The following NPR1 variants were observed in gnomAD, a reference collection of about 807,000 sequenced individuals.
NPR1 encodes the protein atrial natriuretic peptide receptor 1.
In NPR1, 57 loss-of-function variants were observed where a neutral mutation model predicts 116.9. That is an observed-to-expected ratio of 0.49 (90% CI 0.39 to 0.61). NPR1 has a LOEUF of 0.61. Among genes scored for constraint, NPR1 ranks in the 20% least tolerant of loss-of-function variants. NPR1 has a pLI of 0.00. For synonymous variants in NPR1, 555 were observed against 601.6 expected (o/e 0.92, Z 1.13); for missense variants, 1,096 against 1,409.8 (o/e 0.78, Z 3.56).
At chr1:153,690,942 C>CAAAAAAAAAAAAAAAA (rs57820357) in intron 20 of NPR1, among the ~76,000 whole-genome samples, 2 of 51,290 alleles carry the variant, frequency 3.9e-5, no homozygotes, top group African/African-American at 1.4e-4. Flanking sequence ...AACTCTGTCT[C>CAAAAAAAAAAAAAAAA]AAAAAAAAAA....
chr1:153,684,386 C>CTTTTTTTTTTTTTT (rs58272090), intron 7 of NPR1, among the ~76,000 whole-genome samples: 50 of 89,012 alleles, frequency 5.6e-4, no homozygotes, highest in Non-Finnish European at 7.5e-4. Flanking sequence ...TTCTTTCTTT[C>CTTTTTTTTTTTTTT]TTTTTTTTTT....
intron 5 of NPR1, 40 bp from the exon 6 acceptor site, chr1:153,683,336 C>T (rs1221330192): frequency 3.8e-6 from 6 of 1,599,054 alleles, no homozygotes; most frequent in Non-Finnish European, 4.3e-6. Context: ...ATGCCTTCCC[C>T]GCAGGCCCTG....
chr1:153,680,189 C>CCTCTCCCTCCT (rs1259978785), intron 1 of NPR1, among the ~76,000 whole-genome samples: 1 of 149,494 alleles, frequency 6.7e-6, no homozygotes, highest in Non-Finnish European at 1.5e-5. Flanking sequence ...TCTCCCCCTC[C>CCTCTCCCTCCT]CTCTCCCTCC....
At chr1:153,684,386 C>CTTTTTTTTTTTTTTTTTTTTTTTTT in intron 7 of NPR1, among the ~76,000 whole-genome samples, 1 of 88,978 alleles carries the variant, frequency 1.1e-5, no homozygotes, top group Non-Finnish European at 2.1e-5. Context: ...TTCTTTCTTT[C>CTTTTTTTTTTTTTTTTTTTTTTTTT]TTTTTTTTTT....
intron 20 of NPR1, among the ~76,000 whole-genome samples, chr1:153,691,633 G>C (rs1368898029): frequency 6.6e-6 from 1 of 152,026 alleles, no homozygotes; most frequent in East Asian, 1.9e-4. Flanking sequence ...GGCGCTGGGG[G>C]TGCTTGTAAT....
At chr1:153,686,847 ACCTTTCTGG>A in intron 11 of NPR1, 97 bp downstream of exon 11, 8 of 1,311,536 alleles carry the variant, frequency 6.1e-6, no homozygotes, top group Non-Finnish European at 7.5e-6. Context: ...CCTCTTTCTG[ACCTTTCTGG>A]CCCCATCTGT....
intron 15 of NPR1, 23 bp from the exon 16 acceptor site, chr1:153,688,930 C>G: frequency 6.2e-7 from 1 of 1,613,704 alleles, no homozygotes; most frequent in Non-Finnish European, 8.5e-7. Context: ...CTTACCACCC[C>G]CACCGCCACC....
Position 153,688,065 on chromosome 1 carries a change from G to A in NPR1, c.2261G>A (p.Arg754Gln), listed in dbSNP as rs760631172. Residue 754 changes from arginine to glutamine, a missense_variant, in exon 15 of 22, where the codon CGG becomes CAG. Physicochemically the swap from Arg to Gln is conservative, Grantham distance 43 (BLOSUM62 1). Transcript: ENST00000368680. ...CCCCCCAATACAGAGATCATCGAGC[G>A]GGTGACTCGGGGTGAGCAGCCCCCC... ...LDLSPKEIIE[R>Q]VTRGEQPPFR... 6.2e-6 allele frequency: 10 copies of A among 1,608,836 alleles called. No individual in the cohort carries two copies. The highest frequency in any genetic ancestry group is 5.0e-5 in the Admixed American group (3 of 59,528).
chr1:153,687,844 C>T lies in NPR1; in HGVS notation c.2248+55C>T. The T allele has an allele frequency of 2.0e-6, 3 of 1,524,012 alleles. No homozygotes were observed. In the South Asian group the frequency reaches 3.8e-5, roughly 19 times the overall value. The allele number at this position is 1,524,012 out of a possible 1,614,324, so 94.4% of individuals were successfully genotyped here. Reference sequence around the variant, plus strand: ...GCCACAGTCTCAACGAACCCCAGCCCCAGGGAGAGGGTCCCCTGGCAGCAC... The same window carrying T: ...GCCACAGTCTCAACGAACCCCAGCCTCAGGGAGAGGGTCCCCTGGCAGCAC... On this transcript the variant is annotated intron_variant, in intron 14 of 21. Coordinates refer to ENST00000368680, the MANE Select transcript of NPR1 (RefSeq NM_000906.4).
rs959470262 is a variant in NPR1 at position 153,688,090 on chromosome 1, C to A, written c.2286C>A (p.Pro762=). 1.2e-6 allele frequency: 2 copies of A among 1,613,038 alleles called. No homozygotes were observed. The highest frequency in any genetic ancestry group is 1.7e-6 in the Non-Finnish European group (2 of 1,179,446). Residue 762 remains proline (P), a synonymous_variant, in exon 15 of 22, where the codon CCC becomes CCA. Coordinates refer to ENST00000368680, the MANE Select transcript of NPR1 (RefSeq NM_000906.4). The part of the protein sequence containing the change: ...IERVTRGEQP[P]FRPSLALQSH... ...GGGTGACTCGGGGTGAGCAGCCCCCCTTCCGGCCCTCCCTGGCCCTGCAGA... is the reference window on the plus strand; with the variant it reads ...GGGTGACTCGGGGTGAGCAGCCCCCATTCCGGCCCTCCCTGGCCCTGCAGA...
intron 14 of NPR1, 108 bp from the exon 15 acceptor site, chr1:153,687,945 C>T (rs1669977848): frequency 1.8e-6 from 2 of 1,091,762 alleles, no homozygotes; most frequent in South Asian, 3.0e-5. Flanking sequence ...GTCCCCCGCC[C>T]CCATGCCTTG....
chr1:153,688,863 G>T, intron 15 of NPR1, 90 bp from the exon 16 acceptor site: 1 of 1,541,624 alleles, frequency 6.5e-7, no homozygotes, highest in Non-Finnish European at 8.9e-7. Flanking sequence ...CCTCACTGCA[G>T]TCTGGAGGGG....
intron 14 of NPR1, 76 bp from the exon 15 acceptor site, chr1:153,687,977 C>A: frequency 8.5e-7 from 1 of 1,180,438 alleles, no homozygotes; most frequent in Non-Finnish European, 1.2e-6. Flanking sequence ...CCCCTGCCAT[C>A]TCAGCTGGTT....
In NPR1 at chr1:153,679,441, T is replaced by C. The variant is rs1371966861; in HGVS notation, c.333T>C (p.Ala111=). The C allele has an allele frequency of 2.6e-6, 4 of 1,543,116 alleles. No homozygotes were observed. Among genetic ancestry groups the C allele is most frequent in the East Asian group, 2.4e-5 (1 of 41,258 alleles). ...ACCTCAAGTGGGAGCACAACCCCGC[T>C]GTGTTCCTGGGCCCCGGCTGCGTGT... ...AVDLKWEHNP[A]VFLGPGCVYA... Residue 111 remains alanine, a synonymous_variant, in exon 1 of 22, where the codon GCT becomes GCC. Transcript: ENST00000368680. The surrounding 1 kb of genome is among the most constrained non-coding windows in gnomAD (Gnocchi z 4.2).
chr1:153,691,831 G>T (rs1458165414), intron 20 of NPR1, among the ~76,000 whole-genome samples: 1 of 151,780 alleles, frequency 6.6e-6, no homozygotes, highest in Admixed American at 6.6e-5. Context: ...CCCAGGAGGT[G>T]GATGTTGCAG....
chr1:153,689,151 C>A lies in NPR1; in HGVS notation c.2565-37C>A. 6.2e-7 allele frequency: 1 copy of A among 1,614,178 alleles called. No homozygotes were observed. The highest frequency in any genetic ancestry group is 8.5e-7 in the Non-Finnish European group (1 of 1,180,010). On this transcript the variant is annotated intron_variant, in intron 16 of 21. Transcript: ENST00000368680. This position sits in a 1 kb window ranked among gnomAD's most constrained non-coding sequence, Gnocchi z 5.1. Reference sequence around the variant, plus strand: ...CCCAACACAAAGCCCCTGTCCCGACCCCCAACTCTGATCCTGCACCTGCCC... The same window carrying A: ...CCCAACACAAAGCCCCTGTCCCGACACCCAACTCTGATCCTGCACCTGCCC...
Position 153,685,078 on chromosome 1 carries a change from G to A in NPR1, c.1599G>A (p.Leu533=), listed in dbSNP as rs776869156. 2.5e-6 allele frequency: 4 copies of A among 1,613,954 alleles called. No individual in the cohort carries two copies. The highest frequency in any genetic ancestry group is 2.2e-5 in the South Asian group (2 of 91,064). ...GGAGTGCAGGCAGCCGGCTGACCCT[G>A]AGCGGGGTAAGAACGCTGGTGTTTG... ...HLRSAGSRLT[L]SGRGSNYGSL... Residue 533 remains leucine (L), a synonymous_variant, in exon 8 of 22, where the codon CTG becomes CTA. Transcript: ENST00000368680.
chr1:153,690,263 T>C, intron 19 of NPR1, 21 bp from the exon 20 acceptor site: 1 of 1,544,526 alleles, frequency 6.5e-7, no homozygotes, highest in Admixed American at 2.0e-5. Flanking sequence ...TGGGCTCTGC[T>C]CCTTCCCTTG....
At position 153,679,340 on chromosome 1, in the gene NPR1, G is replaced by A; in HGVS notation, c.232G>A (p.Val78Ile). The change falls in exon 1 of 22, where the codon GTC (valine) becomes ATC (isoleucine). Residue 78 changes from valine (V) to isoleucine (I), a missense_variant. Physicochemically the swap from Val to Ile is conservative, Grantham distance 29 (BLOSUM62 3). Coordinates refer to ENST00000368680, the MANE Select transcript of NPR1 (RefSeq NM_000906.4). The surrounding 1 kb of genome is among the most constrained non-coding windows in gnomAD (Gnocchi z 4.2). Reference sequence around the variant, plus strand: ...CCCCGACTTGCTGCCGGGCTGGACGGTCCGCACGGTGCTGGGCAGCAGCGA... The same window carrying A: ...CCCCGACTTGCTGCCGGGCTGGACGATCCGCACGGTGCTGGGCAGCAGCGA... ...ARPDLLPGWT[V>I]RTVLGSSENA... 1 of 1,536,962 alleles carries A rather than the reference G, an allele frequency of 6.5e-7. No individual in the cohort carries two copies. The highest frequency in any genetic ancestry group is 2.5e-5 in the East Asian group (1 of 40,730).
Sources: allele counts gnomAD v4.1 joint callset (sites outside exome capture counted in the v4.1 genomes callset), GRCh38; gene constraint gnomAD v4.1.1; non-coding constraint Gnocchi (gnomAD v3.1); transcripts MANE v1.5; gene names NCBI Gene and HGNC (gene_info 2026-07-23, HGNC 2026-07-21).